Variants in HRH1 observed in about 807,000 individuals in gnomAD.
HRH1 encodes histamine H1 receptor.
A neutral mutation model predicts 10.3 loss-of-function variants in HRH1; 6 were observed. The observed-to-expected ratio is 0.58, with a 90% CI of 0.32 to 1.15. HRH1 has a LOEUF of 1.15. Ranked by LOEUF, HRH1 falls within the 50% of genes most tolerant of loss-of-function variation. The pLI is 0.05. For synonymous variants in HRH1, 242 were observed against 236.7 expected (o/e 1.02, Z -0.21); for missense variants, 514 against 615.3 (o/e 0.84, Z 1.74).
chr3:11,259,793 G>C lies in HRH1; in HGVS notation c.756G>C (p.Gly252=), dbSNP rs746112722. 5 of 1,613,992 alleles carry C rather than the reference G, an allele frequency of 3.1e-6. No homozygotes were observed. The highest frequency in any genetic ancestry group is 4.2e-6 in the Non-Finnish European group (5 of 1,179,986). ...CCAAGGGGGATGCCAAGAAACCAGG[G>C]AAGGAGTCTCCCTGGGAGGTTCTGA... ...ENPKGDAKKP[G]KESPWEVLKR... is the part of the protein sequence containing the mutation. The change falls in exon 2 of 2, where the codon GGG becomes GGC. Residue 252 remains glycine (G), a synonymous_variant. Coordinates refer to ENST00000431010, the MANE Select transcript of HRH1 (RefSeq NM_001098212.2). This position sits in a 1 kb window ranked among gnomAD's most constrained non-coding sequence, Gnocchi z 4.6.
chr3:11,191,949 G>C (rs1288960544), intron 1 of HRH1, among the ~76,000 whole-genome samples: 1 of 152,214 alleles, frequency 6.6e-6, no homozygotes, highest in African/African-American at 2.4e-5. Flanking sequence ...TGCAGTGCTA[G>C]ACTCTTCTTA....
intron 1 of HRH1, among the ~76,000 whole-genome samples, chr3:11,244,033 C>T (rs991956955): frequency 1.3e-5 from 2 of 152,198 alleles, no homozygotes; most frequent in African/African-American, 4.8e-5. Flanking sequence ...ACAATGGCTT[C>T]CATGAAATAG....
At chr3:11,218,546 T>G (rs914645210) in intron 1 of HRH1, among the ~76,000 whole-genome samples, 3 of 152,088 alleles carry the variant, frequency 2.0e-5, no homozygotes, top group African/African-American at 7.2e-5. Context: ...GGGACACATA[T>G]GAGGAGCACA....
chr3:11,210,620 C>T (rs1317507511), intron 1 of HRH1, among the ~76,000 whole-genome samples: 2 of 151,998 alleles, frequency 1.3e-5, no homozygotes, highest in African/African-American at 4.8e-5. Flanking sequence ...GGTGAAACCC[C>T]ATCTCTACCA....
At chr3:11,214,069 C>T (rs1469674268) in intron 1 of HRH1, among the ~76,000 whole-genome samples, 3 of 151,700 alleles carry the variant, frequency 2.0e-5, no homozygotes, top group African/African-American at 7.3e-5. Context: ...GATGGAACAG[C>T]GCGAACAAAG....
chr3:11,169,979 A>G (rs1445331813), intron 1 of HRH1, among the ~76,000 whole-genome samples: 2 of 152,082 alleles, frequency 1.3e-5, no homozygotes, highest in South Asian at 2.1e-4. Context: ...TCCTCCCCAC[A>G]GTGTGCGACC....
At chr3:11,206,177 C>T (rs1261420374) in intron 1 of HRH1, among the ~76,000 whole-genome samples, 1 of 152,170 alleles carries the variant, frequency 6.6e-6, no homozygotes, top group Non-Finnish European at 1.5e-5. Flanking sequence ...TGCAATGGTG[C>T]AATCTCGGCC....
intron 1 of HRH1, among the ~76,000 whole-genome samples, chr3:11,155,670 G>C (rs944138759): frequency 1.3e-5 from 2 of 152,170 alleles, no homozygotes; most frequent in African/African-American, 4.8e-5. Context: ...AGGTTTTCAG[G>C]CTGGAAGGTG....
chr3:11,200,854 G>A (rs1937877082), intron 1 of HRH1, among the ~76,000 whole-genome samples: 1 of 152,142 alleles, frequency 6.6e-6, no homozygotes. Flanking sequence ...TAGATCACCA[G>A]CTCAAAAAAA....
At chr3:11,211,042 C>T (rs1209891994) in intron 1 of HRH1, among the ~76,000 whole-genome samples, 1 of 152,158 alleles carries the variant, frequency 6.6e-6, no homozygotes, top group Non-Finnish European at 1.5e-5. Context: ...AAGAACTTAC[C>T]TTCTAGATGG....
intron 1 of HRH1, among the ~76,000 whole-genome samples, chr3:11,140,033 C>A (rs1256418159): frequency 6.6e-6 from 1 of 152,114 alleles, no homozygotes; most frequent in Non-Finnish European, 1.5e-5. Flanking sequence ...AAATAGGAAG[C>A]ATTCCTTCTG....
At chr3:11,144,478 T>TAGACATACGTCTATAGGTAG (rs1559249824) in intron 1 of HRH1, among the ~76,000 whole-genome samples, 1 of 148,220 alleles carries the variant, frequency 6.7e-6, no homozygotes, top group African/African-American at 2.5e-5. Flanking sequence ...TATAGACATA[T>TAGACATACGTCTATAGGTAG]ATATACACAC....
intron 1 of HRH1, among the ~76,000 whole-genome samples, chr3:11,205,758 T>C (rs1031877777): frequency 2.0e-5 from 3 of 151,816 alleles, no homozygotes; most frequent in African/African-American, 7.3e-5. Context: ...GCCTCCCAGA[T>C]TCAAGTGATT....
rs1248546040 is a variant in HRH1, at chr3:11,258,956, C to T, written c.-35-47C>T. ...TGAACATCATGCTACTAAGTGGCCA[C>T]TCATCACCCAAGTCTCTGACCTTAC... is the stretch of plus-strand genomic sequence containing the variant. On this transcript the variant is annotated intron_variant, in intron 1 of 1. Coordinates refer to ENST00000431010, the MANE Select transcript of HRH1 (RefSeq NM_001098212.2). 3.6e-6 allele frequency: 5 copies of T among 1,402,922 alleles called. No homozygotes were observed. The African/African-American group carries it at 7.2e-5, about 20-fold the overall frequency. 86.9% of individuals were successfully genotyped at this position (1,402,922 alleles called of 1,614,324 possible).
Position 11,154,541 on chromosome 3 carries a change from C to G in HRH1, c.-49C>G, listed in dbSNP as rs1936733665. 6.6e-6 allele frequency: 1 copy of G among 150,630 alleles called. No individual in the cohort carries two copies. The highest frequency in any genetic ancestry group is 1.5e-5 in the Non-Finnish European group (1 of 67,540). 9.3% of individuals were successfully genotyped at this position (150,630 alleles called of 1,614,324 possible). The stretch of plus-strand genomic sequence containing the variant: ...GGCCAACGCGCCACCAAACTTTCCC[C>G]GGAGCCGGCGCCGGTGAGTCGCAGC... On this transcript the variant is annotated 5_prime_UTR_variant, in exon 1 of 2. Transcript: ENST00000431010. This position sits in a 1 kb window ranked among gnomAD's most constrained non-coding sequence, Gnocchi z 4.4.
At chr3:11,194,642 C>T (rs1468889832) in intron 1 of HRH1, among the ~76,000 whole-genome samples, 4 of 152,156 alleles carry the variant, frequency 2.6e-5, no homozygotes, top group Non-Finnish European at 4.4e-5. Flanking sequence ...GGCGAAACCC[C>T]GTCTGTACTA....
At position 11,259,578 on chromosome 3, in the gene HRH1, G is replaced by A. The variant is rs867815221; in HGVS notation, c.541G>A (p.Glu181Lys). 6.2e-7 allele frequency: 1 copy of A among 1,614,056 alleles called. No individual in the cohort carries two copies. The highest frequency in any genetic ancestry group is 8.5e-7 in the Non-Finnish European group (1 of 1,179,992). ...CTCGGTGCGCCGAGAGGACAAGTGT[G>A]AGACAGACTTCTATGATGTCACCTG... ...QTSVRREDKC[E>K]TDFYDVTWFK... is the part of the protein sequence containing the mutation. The change falls in exon 2 of 2, where the codon GAG becomes AAG. Residue 181 changes from glutamate (E) to lysine (K), a missense_variant. Transcript: ENST00000431010. The surrounding 1 kb of genome is among the most constrained non-coding windows in gnomAD (Gnocchi z 4.6).
chr3:11,141,627 C>A (rs575893799), intron 1 of HRH1, among the ~76,000 whole-genome samples: 9 of 152,308 alleles, frequency 5.9e-5, no homozygotes, highest in Non-Finnish European at 1.2e-4. Flanking sequence ...AGTGTCCTCA[C>A]AACATGGCAG....
chr3:11,250,251 G>T (rs540544885), intron 1 of HRH1, among the ~76,000 whole-genome samples: 14 of 146,496 alleles, frequency 9.6e-5, no homozygotes, highest in African/African-American at 3.6e-4. Context: ...AGTGGAGACG[G>T]GGTTTCACCA....
Sources: gnomAD v4.1 joint callset for allele counts (sites outside exome capture counted in the v4.1 genomes callset) on GRCh38, gnomAD v4.1.1 for gene constraint, Gnocchi (gnomAD v3.1) non-coding constraint, MANE v1.5 for transcripts, NCBI Gene and HGNC (gene_info 2026-07-23, HGNC 2026-07-21) for gene names.